Variants in OTC observed in about 807,000 individuals in gnomAD.
OTC encodes ornithine transcarbamylase, mitochondrial.
In OTC, 3 loss-of-function variants were observed where a neutral mutation model predicts 30.3. The ratio of observed to expected loss-of-function variants is 0.10; its 90% CI spans 0.05 to 0.26. The LOEUF (loss-of-function observed/expected upper bound fraction) is 0.26. Among genes scored for constraint, OTC ranks in the 10% least tolerant of loss-of-function variants. OTC has a pLI of 1.00. For synonymous variants in OTC, 111 were observed against 99.7 expected (o/e 1.11, Z -0.67); for missense variants, 194 against 260.3 (o/e 0.75, Z 1.75).
At chrX:38,359,903 ATTCT>A (rs1186062294) in intron 1 of OTC, among the ~76,000 whole-genome samples, 2 of 92,033 alleles carry the variant, frequency 2.2e-5, no homozygotes, top group East Asian at 3.0e-4. Flanking sequence ...CTGGGAATTA[ATTCT>A]TTCTTTCTTT....
At position 38,411,850 on chromosome X, in the gene OTC, C is replaced by T; in HGVS notation, c.868-12C>T. 1 of 1,208,988 alleles carries T rather than the reference C, an allele frequency of 8.3e-7. No individual in the cohort carries two copies. The highest frequency in any genetic ancestry group is 1.1e-6 in the Non-Finnish European group (1 of 893,532). On this transcript the variant is annotated splice_polypyrimidine_tract_variant and intron_variant, in intron 8 of 9. Coordinates refer to ENST00000039007, the MANE Select transcript of OTC (RefSeq NM_000531.6). ...TAATAGTCAAAAAGTGGTCTTATCCCCATCTCTTTAGACTGCTAAAGTTGC... is the reference window on the plus strand; with the variant it reads ...TAATAGTCAAAAAGTGGTCTTATCCTCATCTCTTTAGACTGCTAAAGTTGC...
chrX:38,352,003 C>T (rs892547186), upstream of OTC, among the ~76,000 whole-genome samples: 4 of 111,898 alleles, frequency 3.6e-5, no homozygotes, highest in Admixed American at 9.5e-5. Context: ...TCAAGTGATC[C>T]GCCCGCCTCA....
the OTC span, among the ~76,000 whole-genome samples, chrX:38,330,076 G>A: frequency 3.6e-5 from 4 of 112,280 alleles, no homozygotes; most frequent in Non-Finnish European, 7.5e-5. Flanking sequence ...AACCAGGTAA[G>A]CCCAATTAAA....
intron 1 of OTC, among the ~76,000 whole-genome samples, chrX:38,357,553 A>G: frequency 8.9e-6 from 1 of 112,539 alleles, no homozygotes; most frequent in Admixed American, 9.4e-5. Flanking sequence ...TGGCAAAATC[A>G]GTTTCTGACT....
rs150327612 is a variant in OTC, at chrX:38,371,096, T to C, written c.298+1219T>C. 2.9e-3 allele frequency among the ~76,000 whole-genome samples: 322 copies of C among 111,692 alleles called. 1 individual carries two copies. The highest frequency in any genetic ancestry group is 9.9e-3 in the African/African-American group (303 of 30,723). On this transcript the variant is annotated intron_variant, in intron 3 of 9. Transcript: ENST00000039007. ...TTCAGAAGTTGACTTGGGGAACACA[T>C]AGCAGAGTACAGTATCAAAGGTCCA... is the stretch of plus-strand genomic sequence containing the variant.
chrX:38,391,713 C>T (rs1337043817), intron 4 of OTC, among the ~76,000 whole-genome samples: 1 of 111,128 alleles, frequency 9.0e-6, no homozygotes, highest in Non-Finnish European at 1.9e-5. Context: ...CATCAGTCTT[C>T]GATAACTCTC....
intron 6 of OTC, among the ~76,000 whole-genome samples, chrX:38,404,690 GAAGTACTGCCAAGGGAGATCCC>G (rs372519398): frequency 0.064 from 7,091 of 111,527 alleles, 607 homozygotes; most frequent in African/African-American, 0.22. Context: ...ATTTATTAAG[GAAGTACTGCCAAGGGAGATCCC>G]TAAGGGATTA....
chrX:38,392,234 A>G (rs2068432536), intron 4 of OTC, among the ~76,000 whole-genome samples: 1 of 112,539 alleles, frequency 8.9e-6, no homozygotes, highest in African/African-American at 3.2e-5. Flanking sequence ...TTTTGCTACC[A>G]TTGTTGGCTA....
chrX:38,347,473 C>T, the OTC span, among the ~76,000 whole-genome samples: 99 of 112,154 alleles, frequency 8.8e-4, no homozygotes, highest in Middle Eastern at 4.6e-3. Flanking sequence ...GCAACAGTCC[C>T]ACAGAACTCG....
chrX:38,385,260 ACTCTGT>A (rs1170665453), intron 4 of OTC, among the ~76,000 whole-genome samples: 2 of 111,666 alleles, frequency 1.8e-5, no homozygotes, highest in Admixed American at 1.9e-4. Flanking sequence ...ACAGAGCGGG[ACTCTGT>A]CTCAAATAAA....
chrX:38,411,760 T>C, intron 8 of OTC, 102 bp from the exon 9 acceptor site: 1 of 745,412 alleles, frequency 1.3e-6, no homozygotes, highest in South Asian at 2.1e-5. Context: ...CCCTTTGCAT[T>C]GATGTCTGAC....
the OTC span, among the ~76,000 whole-genome samples, chrX:38,338,906 CCT>C: frequency 2.3e-3 from 261 of 111,851 alleles, no homozygotes; most frequent in Non-Finnish European, 4.2e-3. Flanking sequence ...CATCTCACTG[CCT>C]CTTTTACTTT....
upstream of OTC, among the ~76,000 whole-genome samples, chrX:38,348,432 G>C (rs1186441374): frequency 2.7e-5 from 3 of 110,869 alleles, no homozygotes; most frequent in African/African-American, 9.9e-5. Flanking sequence ...CAGCAATCTG[G>C]CTTCAATATT....
At chrX:38,352,403 G>A (rs139948134), upstream of OTC, 994 of 295,497 alleles carry the variant, frequency 3.4e-3, 17 homozygotes, top group African/African-American at 0.023. Context: ...TTGTACATGC[G>A]TGTGACAGTA....
At chrX:38,383,815 C>CA (rs748723759) in intron 4 of OTC, among the ~76,000 whole-genome samples, 5,232 of 65,163 alleles carry the variant, frequency 0.08, 365 homozygotes, top group African/African-American at 0.24. Context: ...AAAGAAAAGA[C>CA]AAAAAAAAAA....
At position 38,414,222 on chromosome X, in the gene OTC, C is replaced by T. The variant is rs1024363729; in HGVS notation, c.1005+2223C>T. Among the ~76,000 whole-genome samples the T allele has an allele frequency of 2.7e-5, 3 of 112,384 alleles. No homozygotes were observed. The South Asian group carries it at 1.1e-3, about 41-fold the overall frequency. On this transcript the variant is annotated intron_variant, in intron 9 of 9. Coordinates refer to ENST00000039007, the MANE Select transcript of OTC (RefSeq NM_000531.6). Reference sequence around the variant, plus strand: ...TTCAGTAGGGAAAACTAAAAGGAAACTTTCCAAAACATCAATTATGGAGAT... The same window carrying T: ...TTCAGTAGGGAAAACTAAAAGGAAATTTTCCAAAACATCAATTATGGAGAT...
At chrX:38,380,151 A>G (rs1037612316) in intron 3 of OTC, among the ~76,000 whole-genome samples, 11 of 111,743 alleles carry the variant, frequency 9.8e-5, no homozygotes, top group Admixed American at 4.8e-4. Flanking sequence ...TGATTCCTTA[A>G]TATCATTTAA....
the OTC span, among the ~76,000 whole-genome samples, chrX:38,339,233 G>A: frequency 9.0e-6 from 1 of 111,489 alleles, no homozygotes; most frequent in Non-Finnish European, 1.9e-5. Context: ...CTCTGGAGGA[G>A]AGAGTTAAAC....
chrX:38,410,232 G>A (rs1038545390), intron 8 of OTC, among the ~76,000 whole-genome samples: 3 of 111,620 alleles, frequency 2.7e-5, no homozygotes, highest in Non-Finnish European at 5.6e-5. Flanking sequence ...CAAAAATGCT[G>A]CAATGAACTT....
Sources: allele counts gnomAD v4.1 joint callset (sites outside exome capture counted in the v4.1 genomes callset), GRCh38; gene constraint gnomAD v4.1.1; transcripts MANE v1.5; gene names NCBI Gene and HGNC (gene_info 2026-07-23, HGNC 2026-07-21).